The following AP4B1 variants were observed in gnomAD, a reference collection of about 807,000 sequenced individuals.
The protein encoded by AP4B1 is AP-4 complex subunit beta-1.
In AP4B1, 49 loss-of-function variants were observed where a neutral mutation model predicts 76.5. The observed-to-expected ratio is 0.64, with a 90% CI of 0.51 to 0.81. The LOEUF (loss-of-function observed/expected upper bound fraction) is 0.81. Among genes scored for constraint, AP4B1 ranks in the 40% least tolerant of loss-of-function variants. The probability of loss-of-function intolerance (pLI) is 0.00; values close to 1 mark genes in which losing one functional copy is unlikely to be tolerated. For synonymous variants in AP4B1, 330 were observed against 333.3 expected, an observed-to-expected ratio of 0.99 and a Z score of 0.11; for missense variants, 911 against 904.9, an observed-to-expected ratio of 1.01 and a Z score of -0.09.
In AP4B1 at chr1:113,894,721, AC is replaced by A. The variant is rs1361096379; in HGVS notation, c.*343del. On this transcript the variant is annotated 3_prime_UTR_variant, in exon 10 of 10. Coordinates refer to ENST00000369569, the MANE Select transcript of AP4B1 (RefSeq NM_001253852.3). ...ATAATAATCCAGGGAAGAAAAGATG[AC>A]CCCCACAAATGATGACCCCTATCAG... The A allele has an allele frequency of 3.7e-6, 1 of 269,188 alleles. No homozygotes were observed. The highest frequency in any genetic ancestry group is 2.3e-5 in the African/African-American group (1 of 44,138). The allele number at this position is 269,188 out of a possible 1,614,324, so 16.7% of individuals were successfully genotyped here.
chr1:113,903,153 C>T (rs7536876), intron 1 of AP4B1, among the ~76,000 whole-genome samples: 396 of 152,374 alleles, frequency 2.6e-3, no homozygotes, highest in South Asian at 4.6e-3. Flanking sequence ...ATAAGCTCCG[C>T]TTCCCAGGTT....
intron 1 of AP4B1, 60 bp from the exon 2 acceptor site, chr1:113,902,922 G>A: frequency 6.7e-7 from 1 of 1,491,392 alleles, no homozygotes; most frequent in East Asian, 2.3e-5. Context: ...ACAATGGAGG[G>A]AGTTTTACTT....
rs1233183185 is a variant in AP4B1 at position 113,902,848 on chromosome 1, C to G, written c.128G>C (p.Gly43Ala). 6.2e-7 allele frequency: 1 copy of G among 1,614,098 alleles called. No individual in the cohort carries two copies. Among genetic ancestry groups the G allele is most frequent in the Non-Finnish European group, 8.5e-7 (1 of 1,180,014 alleles). ...IQRVIRYMTQ[G>A]LDMSGVFMEM... ...CATAAAAACACCAGACATGTCCAAG[C>G]CTTGAGTCATGTACCTGAACAACGC... is the stretch of plus-strand genomic sequence containing the variant. Residue 43 changes from glycine (G) to alanine (A), a missense_variant, in exon 2 of 10, where the codon GGC becomes GCC. Gly to Ala is a moderately conservative substitution (Grantham distance 60). Transcript: ENST00000369569.
intron 4 of AP4B1, 80 bp from the exon 5 acceptor site, chr1:113,900,480 G>A: frequency 6.5e-7 from 1 of 1,528,014 alleles, no homozygotes; most frequent in Non-Finnish European, 8.9e-7. Flanking sequence ...ATGACCAGGT[G>A]GTTGTTCATC....
intron 5 of AP4B1, chr1:113,899,169 T>C: frequency 1.9e-6 from 2 of 1,075,890 alleles, no homozygotes; most frequent in African/African-American, 1.7e-5. Context: ...AGCAGTCTCC[T>C]AAGGATTTCT....
At position 113,895,444 on chromosome 1, in the gene AP4B1, T is replaced by C. The variant is rs1667344934; in HGVS notation, c.1841A>G (p.Asp614Gly). The C allele has an allele frequency of 6.2e-7, 1 of 1,614,128 alleles. No homozygotes were observed. Among genetic ancestry groups the C allele is most frequent in the Non-Finnish European group, 8.5e-7 (1 of 1,180,056 alleles). ...GGGGACTAGCATGAGGGCTCCAGAA[T>C]CAGGGAGTTCTTGTACCCTCTCCTT... The part of the protein sequence containing the change: ...ENKERVQELP[D>G]SGALMLVPNR... The change falls in exon 10 of 10, where the codon GAT (aspartate) becomes GGT (glycine). Residue 614 changes from aspartate to glycine, a missense_variant. Asp to Gly is a moderately conservative substitution (Grantham distance 94). Coordinates refer to ENST00000369569, the MANE Select transcript of AP4B1 (RefSeq NM_001253852.3).
In AP4B1 at chr1:113,895,236, G is replaced by A; in HGVS notation, c.2049C>T (p.Leu683=). 1.2e-6 allele frequency: 2 copies of A among 1,614,196 alleles called. No homozygotes were observed. Among genetic ancestry groups the A allele is most frequent in the Non-Finnish European group, 8.5e-7 (1 of 1,180,028 alleles). ...GACAGCCAGTATCATCCTGAGCACT[G>A]AGGTATGCTTTCCATGGCCGAGACC... ...RAGSRPWKAY[L]SAQDDTGCLF... is the part of the protein sequence containing the mutation. Residue 683 remains leucine (L), a synonymous_variant, in exon 10 of 10, where the codon CTC becomes CTT. Transcript: ENST00000369569.
chr1:113,900,062 A>G lies in AP4B1; in HGVS notation c.956T>C (p.Phe319Ser). ...GTAGTGGGGCTCCGAGTAGGAGCAA[A>G]AAAACTTTTTGTAGTGGCTGCTAAA... The part of the protein sequence containing the change: ...GHFSSHYKKF[F>S]CSYSEPHYIK... The change falls in exon 5 of 10, where the codon TTT becomes TCT. Residue 319 changes from phenylalanine to serine, a missense_variant. Phe to Ser is a radical substitution (Grantham distance 155, BLOSUM62 -2). Transcript: ENST00000369569. The G allele has an allele frequency of 1.2e-6, 2 of 1,614,188 alleles. No individual in the cohort carries two copies. Among genetic ancestry groups the G allele is most frequent in the Non-Finnish European group, 1.7e-6 (2 of 1,180,034 alleles).
At chr1:113,901,507 C>T in intron 3 of AP4B1, 124 bp from the exon 4 acceptor site, 1 of 1,235,364 alleles carries the variant, frequency 8.1e-7, no homozygotes, top group South Asian at 1.3e-5. Context: ...ACAAAGGCCA[C>T]ACTAAAGTGC....
rs149335605 is a variant in AP4B1, at chr1:113,900,051, A to T, written c.967T>A (p.Ser323Thr). 8.5e-5 allele frequency: 138 copies of T among 1,614,180 alleles called. No homozygotes were observed. In the African/African-American group the frequency reaches 1.7e-3, roughly 20 times the overall value. ...SHYKKFFCSY[S>T]EPHYIKLQKV... ...TGTAGTTTGATGTAGTGGGGCTCCGAGTAGGAGCAAAAAAACTTTTTGTAG... is the reference window on the plus strand; with the variant it reads ...TGTAGTTTGATGTAGTGGGGCTCCGTGTAGGAGCAAAAAAACTTTTTGTAG... Residue 323 changes from serine to threonine, a missense_variant, in exon 5 of 10, where the codon TCG (serine) becomes ACG (threonine). By Grantham distance (58) the Ser-to-Thr change is moderately conservative. Transcript: ENST00000369569.
chr1:113,901,091 G>T, intron 4 of AP4B1, 145 bp downstream of exon 4: 1 of 1,199,818 alleles, frequency 8.3e-7, no homozygotes, highest in Non-Finnish European at 1.2e-6. Flanking sequence ...TAGACAACAA[G>T]AGCAAAACTC....
chr1:113,900,531 T>A (rs1055276439), intron 4 of AP4B1, 131 bp from the exon 5 acceptor site: 1 of 1,107,104 alleles, frequency 9.0e-7, no homozygotes, highest in Non-Finnish European at 1.3e-6. Flanking sequence ...TGTGCCATAA[T>A]TAAGTCACTT....
In AP4B1 at chr1:113,900,199, G is replaced by A. The variant is rs746640667; in HGVS notation, c.819C>T (p.Val273=). 3.7e-6 allele frequency: 6 copies of A among 1,613,704 alleles called. No homozygotes were observed. The highest frequency in any genetic ancestry group is 3.3e-5 in the Admixed American group (2 of 59,988). The change falls in exon 5 of 10, where the codon GTC becomes GTT. Residue 273 remains valine (V), a synonymous_variant. Transcript: ENST00000369569. The part of the protein sequence containing the change: ...AKMFPHVQTD[V]LVRVKGPLLA... ...GCAAAGGTCCCTTGACCCGCACAAG[G>A]ACATCAGTTTGTACGTGGGGAAACA...
chr1:113,901,437 G>A, intron 3 of AP4B1, 54 bp from the exon 4 acceptor site: 2 of 1,580,112 alleles, frequency 1.3e-6, no homozygotes, highest in Non-Finnish European at 1.7e-6. Flanking sequence ...AGAGTAACAA[G>A]GATGTAGCCA....
rs1196814626 is a variant in AP4B1, at chr1:113,901,881, G to T, written c.343C>A (p.Pro115Thr). ...TGTTGTATATACTCCTGCACACCAG[G>T]CATCCTAAGCAACACATCCTGGAGT... is the stretch of plus-strand genomic sequence containing the variant. ...ALRSMCSLRMPGVQEYIQQPI... is the reference protein window; with the variant it reads ...ALRSMCSLRMTGVQEYIQQPI... The change falls in exon 3 of 10, where the codon CCT (proline) becomes ACT (threonine). Residue 115 changes from proline (P) to threonine (T), a missense_variant. Pro to Thr is a conservative substitution (Grantham distance 38, BLOSUM62 -1). Coordinates refer to ENST00000369569, the MANE Select transcript of AP4B1 (RefSeq NM_001253852.3). 2 of 1,613,874 alleles carry T rather than the reference G, an allele frequency of 1.2e-6. No individual in the cohort carries two copies. The highest frequency in any genetic ancestry group is 1.1e-5 in the South Asian group (1 of 91,058).
At chr1:113,904,980 T>C (rs745544312), upstream of AP4B1, 2 of 470,352 alleles carry the variant, frequency 4.3e-6, no homozygotes, top group Non-Finnish European at 7.9e-6. Flanking sequence ...CACAGATCGC[T>C]CCCGCTACTT....
rs1667273449 is a variant in AP4B1, at chr1:113,894,696, A to G, written c.*369T>C. ...ATATGAGAACAGTTAGGAATTTACT[A>G]TAATAATCCAGGGAAGAAAAGATGA... On this transcript the variant is annotated 3_prime_UTR_variant, in exon 10 of 10. Coordinates refer to ENST00000369569, the MANE Select transcript of AP4B1 (RefSeq NM_001253852.3). 1 of 250,126 alleles carries G rather than the reference A, an allele frequency of 4.0e-6. No individual in the cohort carries two copies. The highest frequency in any genetic ancestry group is 7.8e-6 in the Non-Finnish European group (1 of 128,072). 15.5% of individuals were successfully genotyped at this position (250,126 alleles called of 1,614,324 possible).
intron 6 of AP4B1, among the ~76,000 whole-genome samples, chr1:113,898,441 A>G (rs1248298721): frequency 6.6e-6 from 1 of 152,240 alleles, no homozygotes; most frequent in African/African-American, 2.4e-5. Context: ...GCATACTGCC[A>G]TAAAACAAAA....
chr1:113,895,453 T>A lies in AP4B1; in HGVS notation c.1832A>T (p.Glu611Val), dbSNP rs764163184. 1.2e-6 allele frequency: 2 copies of A among 1,614,218 alleles called. No individual in the cohort carries two copies. The highest frequency in any genetic ancestry group is 4.5e-5 in the East Asian group (2 of 44,890). Residue 611 changes from glutamate to valine, a missense_variant, in exon 10 of 10, where the codon GAA (glutamate) becomes GTA (valine). Physicochemically the swap from Glu to Val is moderately radical, Grantham distance 121 (BLOSUM62 -2). Transcript: ENST00000369569. ...CATGAGGGCTCCAGAATCAGGGAGT[T>A]CTTGTACCCTCTCCTTGTTCTCTTC... Reference protein sequence around the residue: ...IPEENKERVQELPDSGALMLV... With the variant: ...IPEENKERVQVLPDSGALMLV...
Sources: allele counts gnomAD v4.1 joint callset (sites outside exome capture counted in the v4.1 genomes callset), GRCh38; gene constraint gnomAD v4.1.1; transcripts MANE v1.5; gene names NCBI Gene and HGNC (gene_info 2026-07-23, HGNC 2026-07-21).